Variants in PIGX observed in about 807,000 individuals in gnomAD.
PIGX encodes GPI alpha-1,4-mannosyltransferase I, stabilizing subunit.
PIGX carries 24 observed loss-of-function variants against 28.7 expected under a neutral mutation model. That is an observed-to-expected ratio of 0.84 (90% CI 0.60 to 1.17). The LOEUF is 1.17. Ranked by LOEUF, PIGX falls within the 50% of genes most tolerant of loss-of-function variation. The pLI, the probability that PIGX is intolerant of heterozygous loss-of-function variation, is 0.00. For synonymous variants in PIGX, 127 were observed against 121.0 expected (o/e 1.05, Z -0.33); for missense variants, 305 against 317.8 (o/e 0.96, Z 0.31).
At chr3:196,730,920 G>A (rs1463771332) in intron 4 of PIGX, 72 bp from the exon 5 acceptor site, 6 of 808,238 alleles carry the variant, frequency 7.4e-6, no homozygotes, top group Non-Finnish European at 1.3e-5. Context: ...TCTGTCTATT[G>A]AGGTTTAATA....
chr3:196,726,567 T>C (rs1170788328), intron 3 of PIGX: 5 of 427,244 alleles, frequency 1.2e-5, no homozygotes, highest in African/African-American at 2.1e-5. Context: ...CTGTACTCTA[T>C]GAGTACTTCA....
chr3:196,728,647 T>A (rs1712620964), intron 4 of PIGX: 5 of 765,768 alleles, frequency 6.5e-6, no homozygotes, highest in Non-Finnish European at 1.2e-5. Flanking sequence ...ATAGCTGGGG[T>A]TTTGCTAATT....
At chr3:196,728,386 C>T (rs1001099934) in intron 4 of PIGX, 1 of 589,226 alleles carries the variant, frequency 1.7e-6, no homozygotes, top group South Asian at 2.2e-5. Context: ...GACTGCGCTG[C>T]CCCAACTGTC....
chr3:196,728,270 C>G (rs758123194), intron 4 of PIGX, 134 bp downstream of exon 4: 19 of 639,486 alleles, frequency 3.0e-5, no homozygotes, highest in Non-Finnish European at 4.7e-5. Context: ...ATTTATTTGC[C>G]TTATAATAAT....
intron 5 of PIGX, among the ~76,000 whole-genome samples, chr3:196,731,987 G>A (rs370875532): frequency 6.6e-6 from 1 of 150,488 alleles, no homozygotes; most frequent in Admixed American, 6.6e-5. Context: ...CACCATGCCC[G>A]GCTAATTTTT....
At chr3:196,718,899 T>C (rs1031847666) in intron 2 of PIGX, among the ~76,000 whole-genome samples, 11 of 152,212 alleles carry the variant, frequency 7.2e-5, no homozygotes, top group Admixed American at 5.9e-4. Flanking sequence ...ATTGGATGAA[T>C]TGACCCTTTT....
intron 3 of PIGX, among the ~76,000 whole-genome samples, chr3:196,726,180 A>G (rs774162415): frequency 1.1e-4 from 17 of 152,142 alleles, no homozygotes; most frequent in Non-Finnish European, 1.6e-4. Flanking sequence ...AGTCTCAGCT[A>G]CTTGGGAGGC....
At position 196,733,960 on chromosome 3, in the gene PIGX, A is replaced by T. The variant is rs1712919169; in HGVS notation, c.*58A>T. 1.9e-6 allele frequency: 2 copies of T among 1,074,104 alleles called. No individual in the cohort carries two copies. Among genetic ancestry groups the T allele is most frequent in the Non-Finnish European group, 2.8e-6 (2 of 705,500 alleles). 66.5% of individuals were successfully genotyped at this position (1,074,104 alleles called of 1,614,324 possible). A position where few individuals can be genotyped will look rare whatever the true frequency, so the allele number is the denominator to read the frequency against. ...AAATAAGATCTATTAATTTCTGACGAGAGGTGTTCTTCTAGAATTAATTAC... is the reference window on the plus strand; with the variant it reads ...AAATAAGATCTATTAATTTCTGACGTGAGGTGTTCTTCTAGAATTAATTAC... On this transcript the variant is annotated 3_prime_UTR_variant, in exon 6 of 6. Coordinates refer to ENST00000392391, the MANE Select transcript of PIGX (RefSeq NM_017861.4). This position sits in a 1 kb window ranked among gnomAD's most constrained non-coding sequence, Gnocchi z 4.3.
chr3:196,724,071 G>A (rs1712430397), intron 3 of PIGX, among the ~76,000 whole-genome samples: 1 of 147,712 alleles, frequency 6.8e-6, no homozygotes, highest in Admixed American at 6.8e-5. Context: ...AGGCTGGAGT[G>A]CGGTGGCACA....
chr3:196,713,003 C>T (rs1711898015), intron 1 of PIGX: 1 of 991,754 alleles, frequency 1.0e-6, no homozygotes, highest in Non-Finnish European at 1.2e-6. Flanking sequence ...CCTGTGAGGC[C>T]TGAGAATCCC....
chr3:196,722,620 G>A, intron 3 of PIGX, 64 bp downstream of exon 3: 1 of 1,353,538 alleles, frequency 7.4e-7, no homozygotes, highest in East Asian at 2.3e-5. Context: ...TTTGGATTAA[G>A]GAAAAATAGT....
At chr3:196,717,551 C>T (rs1185625593) in intron 2 of PIGX, among the ~76,000 whole-genome samples, 2 of 152,128 alleles carry the variant, frequency 1.3e-5, no homozygotes, top group Admixed American at 1.3e-4. Flanking sequence ...AGAACCTACA[C>T]ACACCCTCTC....
intron 3 of PIGX, chr3:196,726,663 T>G (rs1250493535): frequency 2.2e-6 from 1 of 456,358 alleles, no homozygotes; most frequent in East Asian, 7.0e-5. Context: ...AGGAGAAGAC[T>G]TCATGGCGGC....
intron 1 of PIGX, chr3:196,713,131 T>C (rs1267041619): frequency 2.0e-6 from 2 of 977,950 alleles, no homozygotes; most frequent in African/African-American, 1.8e-5. Context: ...AAGGGTAAGG[T>C]TTGATGGGAG....
chr3:196,733,708 G>T lies in PIGX; in HGVS notation c.634-51G>T. ...GATTACAGGCATGAGCTACCACACC[G>T]GGCCCATGACATGCATTTTCAATGT... On this transcript the variant is annotated intron_variant, in intron 5 of 5. Coordinates refer to ENST00000392391, the MANE Select transcript of PIGX (RefSeq NM_017861.4). This position sits in a 1 kb window ranked among gnomAD's most constrained non-coding sequence, Gnocchi z 4.3. 1.4e-6 allele frequency: 2 copies of T among 1,393,012 alleles called. No individual in the cohort carries two copies. The highest frequency in any genetic ancestry group is 1.0e-6 in the Non-Finnish European group (1 of 985,044). The allele number at this position is 1,393,012 out of a possible 1,614,324, so 86.3% of individuals were successfully genotyped here.
Position 196,734,539 on chromosome 3 carries a change from G to A in PIGX, c.*637G>A, listed in dbSNP as rs1279903202. 1 of 152,078 alleles carries A rather than the reference G, an allele frequency of 6.6e-6. No individual in the cohort carries two copies. The highest frequency in any genetic ancestry group is 1.9e-4 in the East Asian group (1 of 5,200). 9.4% of individuals were successfully genotyped at this position (152,078 alleles called of 1,614,324 possible). On this transcript the variant is annotated 3_prime_UTR_variant, in exon 6 of 6. Transcript: ENST00000392391. ...GATCGCACCACTGCACTACAGCCTGGGCGACAGAACGAGACCCTGTCTCCA... is the reference window on the plus strand; with the variant it reads ...GATCGCACCACTGCACTACAGCCTGAGCGACAGAACGAGACCCTGTCTCCA...
rs548899328 is a variant in PIGX at position 196,716,785 on chromosome 3, T to C, written c.113-73T>C. ...GGCAAGTAAAGCCTACTAAAATAAC[T>C]CTTTTATAATTATTTAAATATTATT... On this transcript the variant is annotated intron_variant, in intron 1 of 5. Transcript: ENST00000392391. The C allele has an allele frequency of 2.7e-4, 188 of 704,558 alleles. 1 individual carries two copies. In the African/African-American group the frequency reaches 3.0e-3, roughly 11 times the overall value. The allele number at this position is 704,558 out of a possible 1,614,324, so 43.6% of individuals were successfully genotyped here. A position where few individuals can be genotyped will look rare whatever the true frequency, so the allele number is the denominator to read the frequency against.
intron 2 of PIGX, among the ~76,000 whole-genome samples, chr3:196,720,117 A>G (rs1288688921): frequency 1.3e-5 from 2 of 152,166 alleles, no homozygotes; most frequent in African/African-American, 4.8e-5. Flanking sequence ...CAGTGGCATC[A>G]AGTACATTCA....
At chr3:196,728,251 T>C (rs1414443542) in intron 4 of PIGX, 115 bp downstream of exon 4, 4 of 702,622 alleles carry the variant, frequency 5.7e-6, no homozygotes, top group Non-Finnish European at 1.0e-5. Context: ...AGGTGGTAGT[T>C]ACAAGGGTAT....
Sources: allele counts gnomAD v4.1 joint callset (sites outside exome capture counted in the v4.1 genomes callset), GRCh38; gene constraint gnomAD v4.1.1; non-coding constraint Gnocchi (gnomAD v3.1); transcripts MANE v1.5; gene names NCBI Gene and HGNC (gene_info 2026-07-23, HGNC 2026-07-21).